B3GALT1: variants seen among roughly 807,000 people sequenced by gnomAD.
The protein encoded by B3GALT1 is beta-1,3-galactosyltransferase 1, also known as UDP-Gal:betaGlcNAc beta 1,3-galactosyltransferase, polypeptide 1.
Under a neutral mutation model 23.2 loss-of-function variants are expected in B3GALT1, and 10 were observed. The observed-to-expected ratio is 0.43, with a 90% CI of 0.27 to 0.73. B3GALT1 has a LOEUF of 0.73. Ranked by LOEUF, B3GALT1 falls within the 30% of genes least tolerant of loss-of-function variation. The probability of loss-of-function intolerance (pLI) is 0.21; values close to 1 mark genes in which losing one functional copy is unlikely to be tolerated. For synonymous variants in B3GALT1, 156 were observed against 141.5 expected (o/e 1.10, Z -0.73); for missense variants, 299 against 405.4 (o/e 0.74, Z 2.25).
chr2:167,769,361 C>A (rs1391085628), intron 3 of B3GALT1, among the ~76,000 whole-genome samples: 1 of 152,200 alleles, frequency 6.6e-6, no homozygotes, highest in Admixed American at 6.5e-5. Context: ...TGCTGAGTTA[C>A]ATCAATCTCA....
intron 1 of B3GALT1, among the ~76,000 whole-genome samples, chr2:167,391,211 G>A (rs184027245): frequency 7.2e-5 from 11 of 152,290 alleles, no homozygotes; most frequent in Admixed American, 2.0e-4. Context: ...TCAGAACACA[G>A]CAGTACTAGG....
At chr2:167,443,327 C>G (rs1431008664) in intron 1 of B3GALT1, among the ~76,000 whole-genome samples, 2 of 152,162 alleles carry the variant, frequency 1.3e-5, no homozygotes, top group African/African-American at 2.4e-5. Context: ...CAGCTTTGTT[C>G]TTTTGGCTTA....
intron 1 of B3GALT1, among the ~76,000 whole-genome samples, chr2:167,332,710 G>T (rs146544782): frequency 2.6e-5 from 4 of 152,210 alleles, no homozygotes; most frequent in African/African-American, 9.7e-5. Flanking sequence ...TCTTGGCCCA[G>T]ATGACTCTGC....
chr2:167,798,061 CAT>C (rs1206108820), intron 3 of B3GALT1, among the ~76,000 whole-genome samples: 2 of 152,130 alleles, frequency 1.3e-5, no homozygotes, highest in Admixed American at 6.6e-5. Context: ...AGCTTTTTAT[CAT>C]ATGTTTGTTG....
chr2:167,833,203 G>C (rs894044730), intron 4 of B3GALT1, among the ~76,000 whole-genome samples: 1 of 152,122 alleles, frequency 6.6e-6, no homozygotes, highest in Admixed American at 6.5e-5. Context: ...CCAGAGTTTC[G>C]ATTCACTCTC....
Position 167,621,983 on chromosome 2 carries a change from C to T in B3GALT1, c.-409-24926C>T, listed in dbSNP as rs139160426. Among the ~76,000 whole-genome samples, 8 of 152,168 alleles carry T rather than the reference C, an allele frequency of 5.3e-5. 1 individual carries two copies. The highest frequency in any genetic ancestry group is 1.9e-4 in the African/African-American group (8 of 41,530). ...ATAAATTACCCAGTCTTGGGTTTGT[C>T]TTTATTAGCAGCATGAGAATGGACT... is the stretch of plus-strand genomic sequence containing the variant. On this transcript the variant is annotated intron_variant, in intron 2 of 4. Coordinates refer to ENST00000392690, the MANE Select transcript of B3GALT1 (RefSeq NM_020981.4).
intron 1 of B3GALT1, among the ~76,000 whole-genome samples, chr2:167,416,224 G>T (rs778903156): frequency 1.3e-5 from 2 of 152,138 alleles, no homozygotes; most frequent in Non-Finnish European, 2.9e-5. Flanking sequence ...GTGGCTTTGG[G>T]GACAGACTCA....
Position 167,871,701 on chromosome 2 carries a change from G to A in B3GALT1, c.*1681G>A, listed in dbSNP as rs747693476. On this transcript the variant is annotated 3_prime_UTR_variant, in exon 5 of 5. Transcript: ENST00000392690. ...TGCATCACGACAACTTAGATCTCAGGAACCACTGAATCTGAATTCTCTCTA... is the reference window on the plus strand; with the variant it reads ...TGCATCACGACAACTTAGATCTCAGAAACCACTGAATCTGAATTCTCTCTA... 1 of 152,106 alleles carries A rather than the reference G, an allele frequency of 6.6e-6. No homozygotes were observed. Among genetic ancestry groups the A allele is most frequent in the Non-Finnish European group, 1.5e-5 (1 of 68,024 alleles). The allele number at this position is 152,106 out of a possible 1,614,324, so 9.4% of individuals were successfully genotyped here. A position where few individuals can be genotyped will look rare whatever the true frequency, so the allele number is the denominator to read the frequency against.
intron 3 of B3GALT1, among the ~76,000 whole-genome samples, chr2:167,681,069 A>G (rs1465247271): frequency 1.3e-5 from 2 of 152,212 alleles, no homozygotes; most frequent in African/African-American, 2.4e-5. Flanking sequence ...AGGCTGTGAC[A>G]AGGAGCTCTG....
At chr2:167,721,699 A>C (rs1271525641) in intron 3 of B3GALT1, among the ~76,000 whole-genome samples, 1 of 152,178 alleles carries the variant, frequency 6.6e-6, no homozygotes, top group Admixed American at 6.5e-5. Context: ...AAGAAGAAGA[A>C]ATCAATGTAG....
chr2:167,623,151 A>G (rs933294110), intron 2 of B3GALT1, among the ~76,000 whole-genome samples: 3 of 152,174 alleles, frequency 2.0e-5, no homozygotes, highest in African/African-American at 7.2e-5. Flanking sequence ...ACAAATAGGA[A>G]CACTTTTACA....
intron 1 of B3GALT1, among the ~76,000 whole-genome samples, chr2:167,394,460 A>T (rs1198499795): frequency 6.6e-6 from 1 of 152,126 alleles, no homozygotes; most frequent in Non-Finnish European, 1.5e-5. Flanking sequence ...TAGCAACAGG[A>T]TATATTTATA....
chr2:167,380,287 A>C (rs1234123666), intron 1 of B3GALT1, among the ~76,000 whole-genome samples: 1 of 152,142 alleles, frequency 6.6e-6, no homozygotes, highest in African/African-American at 2.4e-5. Context: ...GCCTCACTGC[A>C]CCATGAACTC....
At chr2:167,571,688 A>T (rs973146052) in intron 2 of B3GALT1, among the ~76,000 whole-genome samples, 2 of 151,866 alleles carry the variant, frequency 1.3e-5, no homozygotes, top group African/African-American at 4.8e-5. Flanking sequence ...CAAAGGTCAA[A>T]AGTAACTAGC....
intron 3 of B3GALT1, among the ~76,000 whole-genome samples, chr2:167,703,904 C>T (rs189908139): frequency 2.6e-5 from 4 of 152,114 alleles, no homozygotes; most frequent in East Asian, 3.9e-4. Flanking sequence ...ACTCAGGGCC[C>T]GGCGCGGTGG....
chr2:167,414,378 G>A (rs530071747), intron 1 of B3GALT1, among the ~76,000 whole-genome samples: 1 of 152,200 alleles, frequency 6.6e-6, no homozygotes, highest in South Asian at 2.1e-4. Context: ...TTCTATTTTG[G>A]TAATTAGTTC....
chr2:167,708,520 G>A (rs1417781609), intron 3 of B3GALT1, among the ~76,000 whole-genome samples: 1 of 152,150 alleles, frequency 6.6e-6, no homozygotes, highest in African/African-American at 2.4e-5. Flanking sequence ...AAATTAGCCG[G>A]CACAGTGGCG....
At chr2:167,516,719 G>C (rs1700103674) in intron 2 of B3GALT1, among the ~76,000 whole-genome samples, 1 of 151,970 alleles carries the variant, frequency 6.6e-6, no homozygotes, top group Non-Finnish European at 1.5e-5. Context: ...CTATTTTGTT[G>C]TTGCTGTTTT....
chr2:167,839,772 C>G (rs1274533015), intron 4 of B3GALT1, among the ~76,000 whole-genome samples: 1 of 152,170 alleles, frequency 6.6e-6, no homozygotes, highest in Non-Finnish European at 1.5e-5. Context: ...TACCTGACTT[C>G]AAACTATACT....
Sources: allele counts gnomAD v4.1 joint callset (sites outside exome capture counted in the v4.1 genomes callset), GRCh38; gene constraint gnomAD v4.1.1; transcripts MANE v1.5; gene names NCBI Gene and HGNC (gene_info 2026-07-23, HGNC 2026-07-21).